The following DIPK1A variants were observed in gnomAD, a reference collection of about 807,000 sequenced individuals.
DIPK1A encodes divergent protein kinase domain 1A, also known as family with sequence similarity 69 member A.
A neutral mutation model predicts 40.8 loss-of-function variants in DIPK1A; 27 were observed. The ratio of observed to expected loss-of-function variants is 0.66; its 90% CI spans 0.49 to 0.91. The LOEUF is 0.91. Among genes scored for constraint, DIPK1A ranks in the 40% least tolerant of loss-of-function variants. The probability of loss-of-function intolerance (pLI) is 0.00; values close to 1 mark genes in which losing one functional copy is unlikely to be tolerated. For missense variants in DIPK1A, 412 were observed against 505.7 expected (o/e 0.81, Z 1.78); for synonymous variants, 166 against 171.3 (o/e 0.97, Z 0.24).
At chr1:92,930,930 C>T (rs375628839) in intron 1 of DIPK1A, 2 of 152,122 alleles carry the variant, frequency 1.3e-5, no homozygotes, top group Admixed American at 6.6e-5. Flanking sequence ...TTCTGAAATA[C>T]AAATATCACT....
In DIPK1A at chr1:92,936,078, T is replaced by C. The variant is rs184079981; in HGVS notation, c.54+25298A>G. ...TCCAGCCTGGGCGACAGAGAGAGAC[T>C]TCATCTCAAAAAGAAAAACAAAAGA... is the stretch of plus-strand genomic sequence containing the variant. On this transcript the variant is annotated intron_variant, in intron 1 of 4. Coordinates refer to ENST00000370310, the MANE Select transcript of DIPK1A (RefSeq NM_001006605.5). Among the ~76,000 whole-genome samples the C allele has an allele frequency of 2.2e-4, 33 of 151,396 alleles. 1 individual carries two copies. Among genetic ancestry groups the C allele is most frequent in the Admixed American group, 3.9e-4 (6 of 15,216 alleles).
chr1:92,855,571 G>A (rs1349278943), intron 2 of DIPK1A, among the ~76,000 whole-genome samples: 1 of 151,738 alleles, frequency 6.6e-6, no homozygotes, highest in Non-Finnish European at 1.5e-5. Flanking sequence ...AGGCATGGTG[G>A]TGTGTGCCTG....
intron 1 of DIPK1A, among the ~76,000 whole-genome samples, chr1:92,887,108 A>G (rs1034993766): frequency 6.6e-6 from 1 of 151,952 alleles, no homozygotes; most frequent in African/African-American, 2.4e-5. Context: ...AAGTGCAAAC[A>G]TTAGATGCAA....
intron 1 of DIPK1A, among the ~76,000 whole-genome samples, chr1:92,901,131 T>C (rs182329385): frequency 2.0e-5 from 3 of 152,134 alleles, no homozygotes; most frequent in Admixed American, 6.5e-5. Flanking sequence ...TAGAAATCTG[T>C]GGTTGTGGCA....
chr1:92,937,574 G>A (rs1650992489), intron 1 of DIPK1A, among the ~76,000 whole-genome samples: 1 of 152,094 alleles, frequency 6.6e-6, no homozygotes, highest in Admixed American at 6.5e-5. Context: ...TCATTCTAGT[G>A]GTGAATGAAC....
At chr1:92,897,746 G>A (rs1321369323) in intron 1 of DIPK1A, among the ~76,000 whole-genome samples, 1 of 146,450 alleles carries the variant, frequency 6.8e-6, no homozygotes, top group South Asian at 2.2e-4. Flanking sequence ...CATATCAGAA[G>A]TTCCTTTTTT....
At chr1:92,852,807 G>A (rs900764777) in intron 2 of DIPK1A, among the ~76,000 whole-genome samples, 4 of 152,140 alleles carry the variant, frequency 2.6e-5, no homozygotes, top group African/African-American at 9.7e-5. Context: ...TTGGGAGGCT[G>A]GGCAGGCAGA....
chr1:92,850,096 G>A (rs918503536), intron 3 of DIPK1A, among the ~76,000 whole-genome samples: 1 of 151,956 alleles, frequency 6.6e-6, no homozygotes, highest in Non-Finnish European at 1.5e-5. Context: ...TCAGCCTCCT[G>A]AGTAGCTAGA....
chr1:92,950,212 G>A (rs2100909093), intron 1 of DIPK1A, among the ~76,000 whole-genome samples: 1 of 152,332 alleles, frequency 6.6e-6, no homozygotes, highest in East Asian at 1.9e-4. Flanking sequence ...GAGAGCAAAT[G>A]GGGAAAGGAC....
intron 1 of DIPK1A, among the ~76,000 whole-genome samples, chr1:92,924,297 T>G (rs565493753): frequency 1.3e-5 from 2 of 151,924 alleles, no homozygotes; most frequent in Non-Finnish European, 2.9e-5. Flanking sequence ...CTTTTACTTC[T>G]TCCTTTTTAA....
intron 1 of DIPK1A, among the ~76,000 whole-genome samples, chr1:92,907,029 T>C (rs1001491668): frequency 6.6e-6 from 1 of 152,198 alleles, no homozygotes; most frequent in African/African-American, 2.4e-5. Context: ...AATGACAAAA[T>C]AATCTAAAAT....
chr1:92,864,396 T>TC (rs141741627), intron 2 of DIPK1A, among the ~76,000 whole-genome samples: 5,528 of 152,310 alleles, frequency 0.036, 281 homozygotes, highest in African/African-American at 0.11. Context: ...AAGGATGTGC[T>TC]CATATAATGG....
At chr1:92,937,132 T>C (rs1239172607) in intron 1 of DIPK1A, among the ~76,000 whole-genome samples, 2 of 152,134 alleles carry the variant, frequency 1.3e-5, no homozygotes, top group Non-Finnish European at 2.9e-5. Context: ...AATTAATTTG[T>C]AAGGTACTAG....
chr1:92,903,736 C>T (rs1294142947), intron 1 of DIPK1A, among the ~76,000 whole-genome samples: 1 of 152,192 alleles, frequency 6.6e-6, no homozygotes, highest in South Asian at 2.1e-4. Flanking sequence ...ATTCTTTGGG[C>T]TTGACCTAAA....
intron 1 of DIPK1A, among the ~76,000 whole-genome samples, chr1:92,924,676 C>T (rs1041238282): frequency 6.6e-6 from 1 of 152,158 alleles, no homozygotes; most frequent in Non-Finnish European, 1.5e-5. Flanking sequence ...CTGCATTCTT[C>T]GAACAACAGG....
At chr1:92,860,264 G>A (rs1487001621) in intron 2 of DIPK1A, among the ~76,000 whole-genome samples, 1 of 152,082 alleles carries the variant, frequency 6.6e-6, no homozygotes, top group Non-Finnish European at 1.5e-5. Flanking sequence ...TGAAAACACA[G>A]TTTGCTGGAC....
chr1:92,888,218 C>T (rs575030018), intron 1 of DIPK1A, among the ~76,000 whole-genome samples: 3 of 152,094 alleles, frequency 2.0e-5, no homozygotes, highest in East Asian at 1.9e-4. Flanking sequence ...CTCTAGTAAC[C>T]GCTCTTCTAC....
chr1:92,843,353 T>G lies in DIPK1A; in HGVS notation c.*30A>C. On this transcript the variant is annotated 3_prime_UTR_variant, in exon 5 of 5. Coordinates refer to ENST00000370310, the MANE Select transcript of DIPK1A (RefSeq NM_001006605.5). The stretch of plus-strand genomic sequence containing the variant: ...AAATTGTTCTTTAAAAGTGGCAGGT[T>G]TCTTAAAATGGTAATTATGTCCAAA... The G allele has an allele frequency of 2.7e-6, 4 of 1,467,068 alleles. No individual in the cohort carries two copies. Among genetic ancestry groups the G allele is most frequent in the Non-Finnish European group, 3.6e-6 (4 of 1,109,928 alleles). The allele number at this position is 1,467,068 out of a possible 1,614,324, so 90.9% of individuals were successfully genotyped here. A position where few individuals can be genotyped will look rare whatever the true frequency, so the allele number is the denominator to read the frequency against.
At chr1:92,943,282 C>A (rs1651237565) in intron 1 of DIPK1A, among the ~76,000 whole-genome samples, 1 of 152,146 alleles carries the variant, frequency 6.6e-6, no homozygotes, top group South Asian at 2.1e-4. Context: ...ATGAGGCAGG[C>A]AGAGAAAGCC....
Sources: allele counts gnomAD v4.1 joint callset (sites outside exome capture counted in the v4.1 genomes callset), GRCh38; gene constraint gnomAD v4.1.1; transcripts MANE v1.5; gene names NCBI Gene and HGNC (gene_info 2026-07-23, HGNC 2026-07-21).